DNAH17: variants seen among roughly 807,000 people sequenced by gnomAD.
DNAH17 encodes axonemal beta dynein heavy chain 17.
A neutral mutation model predicts 485.6 loss-of-function variants in DNAH17; 376 were observed. The ratio of observed to expected loss-of-function variants is 0.77; its 90% CI spans 0.71 to 0.84. The LOEUF is 0.84. Among genes scored for constraint, DNAH17 ranks in the 40% least tolerant of loss-of-function variants. The pLI, the probability that DNAH17 is intolerant of heterozygous loss-of-function variation, is 0.00. For synonymous variants in DNAH17, 3,031 were observed against 2,405.9 expected (o/e 1.26, Z -7.60); for missense variants, 6,370 against 5,839.3 (o/e 1.09, Z -2.96).
chr17:78,525,658 T>C (rs1384919658), intron 24 of DNAH17, among the ~76,000 whole-genome samples: 3 of 152,190 alleles, frequency 2.0e-5, no homozygotes, highest in Admixed American at 6.5e-5. Flanking sequence ...GTGGCAAAGG[T>C]GGGCTCGGAG....
At chr17:78,424,359 A>G in intron 80 of DNAH17, 1 of 568,884 alleles carries the variant, frequency 1.8e-6, no homozygotes, top group Middle Eastern at 4.8e-4. Flanking sequence ...GCTGGGCTCA[A>G]GGAACAGCTC....
chr17:78,532,919 C>A (rs765194000), intron 19 of DNAH17, 183 bp from the exon 20 acceptor site: 196 of 649,254 alleles, frequency 3.0e-4, no homozygotes, highest in Non-Finnish European at 4.4e-4. Flanking sequence ...GGTGGTCCCC[C>A]ACTCCTGGGA....
Position 78,571,659 on chromosome 17 carries a change from G to T in DNAH17, c.663C>A (p.His221Gln), listed in dbSNP as rs965418149. 3.1e-6 allele frequency: 5 copies of T among 1,614,016 alleles called. No homozygotes were observed. In the East Asian group the frequency reaches 8.9e-5, roughly 29 times the overall value. The change falls in exon 4 of 81, where the codon CAC (histidine) becomes CAA (glutamine). Residue 221 changes from histidine to glutamine, a missense_variant. Transcript: ENST00000389840. ...DSAQALLDGL[H>Q]PLPQVEFEFW... ...ACTCGAACTCCACTTGGGGCAGGGG[G>T]TGCAGCCCATCCAGCAGCGCCTGGG...
intron 75 of DNAH17, among the ~76,000 whole-genome samples, chr17:78,432,275 C>T (rs1433652734): frequency 1.3e-5 from 2 of 152,164 alleles, no homozygotes; most frequent in Admixed American, 6.5e-5. Context: ...CGTGGTTTGG[C>T]CGTCTCTCCG....
chr17:78,484,741 C>CCCCCTGCCG, intron 48 of DNAH17, 127 bp downstream of exon 48: 3 of 370,140 alleles, frequency 8.1e-6, no homozygotes, highest in Non-Finnish European at 1.3e-5. Context: ...GTTGCAGCAC[C>CCCCCTGCCG]CCCCCCACCG....
At chr17:78,445,771 A>C in intron 69 of DNAH17, 91 bp from the exon 70 acceptor site, 1 of 1,438,932 alleles carries the variant, frequency 6.9e-7, no homozygotes, top group South Asian at 1.3e-5. Flanking sequence ...AGGAGTTCAC[A>C]CTCCCGGCCT....
intron 9 of DNAH17, among the ~76,000 whole-genome samples, chr17:78,568,892 TG>T (rs1432998020): frequency 2.6e-5 from 4 of 152,332 alleles, no homozygotes; most frequent in African/African-American, 9.6e-5. Context: ...GTCCTGAACG[TG>T]GGGGTTTAAC....
intron 1 of DNAH17, among the ~76,000 whole-genome samples, chr17:78,576,160 A>G (rs1050470158): frequency 6.6e-6 from 1 of 152,146 alleles, no homozygotes; most frequent in African/African-American, 2.4e-5. Flanking sequence ...GCACTCACAA[A>G]TTCTGCCTTT....
At chr17:78,471,562 C>CT (rs1401925964) in intron 54 of DNAH17, among the ~76,000 whole-genome samples, 2 of 152,214 alleles carry the variant, frequency 1.3e-5, no homozygotes, top group Admixed American at 1.3e-4. Flanking sequence ...GGGCCTCACT[C>CT]TGTCGCCCAG....
intron 30 of DNAH17, 128 bp downstream of exon 30, chr17:78,506,592 G>C (rs1175819510): frequency 4.4e-6 from 6 of 1,372,834 alleles, no homozygotes; most frequent in Non-Finnish European, 5.9e-6. Context: ...GGTGCAGAGG[G>C]CCTCCTGGAG....
chr17:78,565,087 T>C (rs747101305), intron 11 of DNAH17, among the ~76,000 whole-genome samples: 1 of 152,198 alleles, frequency 6.6e-6, no homozygotes, highest in Non-Finnish European at 1.5e-5. Flanking sequence ...CAACCCCTGA[T>C]GTCCCCTCTA....
chr17:78,516,920 A>G (rs971744300), intron 25 of DNAH17, among the ~76,000 whole-genome samples: 2 of 152,226 alleles, frequency 1.3e-5, no homozygotes. Flanking sequence ...GAAGAGACAG[A>G]GCACGCTCTT....
At chr17:78,544,287 C>T (rs530628438) in intron 16 of DNAH17, among the ~76,000 whole-genome samples, 1 of 152,200 alleles carries the variant, frequency 6.6e-6, no homozygotes, top group Non-Finnish European at 1.5e-5. Flanking sequence ...GGGTCACTCT[C>T]AGGAAAGGAG....
At chr17:78,552,955 T>C in intron 14 of DNAH17, 150 bp from the exon 15 acceptor site, 1 of 639,688 alleles carries the variant, frequency 1.6e-6, no homozygotes. Flanking sequence ...TCCCCAGTGT[T>C]GGAGGTGGGG....
At chr17:78,451,410 C>T (rs997960271) in intron 66 of DNAH17, 59 bp downstream of exon 66, 2 of 1,504,744 alleles carry the variant, frequency 1.3e-6, no homozygotes, top group Non-Finnish European at 1.8e-6. Context: ...TCACAGTGAC[C>T]TGGCCCCCTC....
chr17:78,528,586 G>GAGAGAAGGGGAGAGGA (rs2091140258), intron 22 of DNAH17, among the ~76,000 whole-genome samples: 1 of 152,052 alleles, frequency 6.6e-6, no homozygotes, highest in African/African-American at 2.4e-5. Flanking sequence ...AGGGGAGAGG[G>GAGAGAAGGGGAGAGGA]CGGGAGGAGG....
rs201099617 is a variant in DNAH17 at position 78,459,113 on chromosome 17, C to T, written c.9749G>A (p.Arg3250His). Residue 3250 changes from arginine to histidine, a missense_variant, in exon 61 of 81, where the codon CGC (arginine) becomes CAC (histidine). Transcript: ENST00000389840. ...CACGTCGCAGTAGACCTCGTAGAAG[C>T]GGACGATGTTGATGCACCAGGAGCA... is the stretch of plus-strand genomic sequence containing the variant. ...GLCSWCINIVRFYEVYCDVAP... is the reference protein window; with the variant it reads ...GLCSWCINIVHFYEVYCDVAP... The T allele has an allele frequency of 1.2e-4, 186 of 1,613,908 alleles. No homozygotes were observed. Among genetic ancestry groups the T allele is most frequent in the Non-Finnish European group, 1.5e-4 (174 of 1,179,906 alleles).
In DNAH17 at chr17:78,494,083, G is replaced by A. The variant is rs753084692; in HGVS notation, c.6361C>T (p.Arg2121Cys). The A allele has an allele frequency of 5.6e-6, 9 of 1,612,636 alleles. No homozygotes were observed. Among genetic ancestry groups the A allele is most frequent in the South Asian group, 3.3e-5 (3 of 91,032 alleles). ...TTCCCGACGATGAACACGGAGTGGC[G>A]GACCTGCAGCAGCTCCTCCAGCTGC... ...VVQLEELLQV[R>C]HSVFIVGNAG... Residue 2121 changes from arginine (R) to cysteine (C), a missense_variant, in exon 41 of 81, where the codon CGC becomes TGC. Coordinates refer to ENST00000389840, the MANE Select transcript of DNAH17 (RefSeq NM_173628.4).
chr17:78,562,029 C>T (rs761482149), intron 11 of DNAH17, 49 bp from the exon 12 acceptor site: 3 of 1,513,878 alleles, frequency 2.0e-6, no homozygotes, highest in South Asian at 2.6e-5. Flanking sequence ...TCCTCCCCTT[C>T]CCCAGCCTGT....
Sources: gnomAD v4.1 joint callset for allele counts (sites outside exome capture counted in the v4.1 genomes callset) on GRCh38, gnomAD v4.1.1 for gene constraint, MANE v1.5 for transcripts, NCBI Gene and HGNC (gene_info 2026-07-23, HGNC 2026-07-21) for gene names.